The following TENM4 variants were observed in gnomAD, a reference collection of about 807,000 sequenced individuals.
TENM4 encodes the protein teneurin transmembrane protein 4, also known as teneurin-4.
In TENM4, 82 loss-of-function variants were observed where a neutral mutation model predicts 243.3. The ratio of observed to expected loss-of-function variants is 0.34; its 90% CI spans 0.28 to 0.40. The LOEUF is 0.40. Among genes scored for constraint, TENM4 ranks in the 10% least tolerant of loss-of-function variants. The probability of loss-of-function intolerance (pLI) is 1.00; values close to 1 mark genes in which losing one functional copy is unlikely to be tolerated. For synonymous variants in TENM4, 1,412 were observed against 1,456.3 expected (o/e 0.97, Z 0.69); for missense variants, 3,138 against 3,673.3 (o/e 0.85, Z 3.77).
At position 78,657,925 on chromosome 11, in the gene TENM4, T is replaced by G; in HGVS notation, c.*133A>C. Reference sequence around the variant, plus strand: ...CTTTTCTAAAAAAAAGGATGTTGCATGAGTTACAATGCAACCAGTATCTTT... The same window carrying G: ...CTTTTCTAAAAAAAAGGATGTTGCAGGAGTTACAATGCAACCAGTATCTTT... On this transcript the variant is annotated 3_prime_UTR_variant, in exon 34 of 34. Transcript: ENST00000278550. 5 of 1,370,464 alleles carry G rather than the reference T, an allele frequency of 3.6e-6. No homozygotes were observed. Among genetic ancestry groups the G allele is most frequent in the African/African-American group, 1.4e-5 (1 of 69,908 alleles). The allele number at this position is 1,370,464 out of a possible 1,614,324, so 84.9% of individuals were successfully genotyped here.
At chr11:78,896,643 G>A (rs968803080) in intron 7 of TENM4, among the ~76,000 whole-genome samples, 1 of 151,956 alleles carries the variant, frequency 6.6e-6, no homozygotes, top group Non-Finnish European at 1.5e-5. Context: ...CTCTCTCCTG[G>A]CTCTGTGCCT....
chr11:79,026,805 T>C (rs551485499), intron 6 of TENM4, among the ~76,000 whole-genome samples: 2 of 152,236 alleles, frequency 1.3e-5, no homozygotes, highest in South Asian at 2.1e-4. Flanking sequence ...TTAATCAAGA[T>C]GATCACGCAG....
intron 1 of TENM4, among the ~76,000 whole-genome samples, chr11:79,330,499 T>C (rs1448436400): frequency 2.6e-5 from 4 of 152,154 alleles, no homozygotes; most frequent in African/African-American, 9.7e-5. Context: ...CACCCAGCAT[T>C]CAGCCTGGTG....
chr11:78,855,339 T>C (rs1170517024), intron 11 of TENM4, among the ~76,000 whole-genome samples: 1 of 152,186 alleles, frequency 6.6e-6, no homozygotes, highest in Non-Finnish European at 1.5e-5. Context: ...TGCACAAGTG[T>C]CTGTTCTTCA....
At chr11:79,405,992 C>A (rs1300927900) in intron 1 of TENM4, among the ~76,000 whole-genome samples, 2 of 152,128 alleles carry the variant, frequency 1.3e-5, no homozygotes. Context: ...AGAGCTGGGA[C>A]CAGAATCTCT....
rs117707832 is a variant in TENM4 at position 78,940,950 on chromosome 11, C to G, written c.494-37427G>C. On this transcript the variant is annotated intron_variant, in intron 6 of 33. Coordinates refer to ENST00000278550, the MANE Select transcript of TENM4 (RefSeq NM_001098816.3). ...CTGTTAAAGCCAAGAGCTGTCTTCACCTGAGCCTTTTTGCCTGAAAAGTTA... is the reference window on the plus strand; with the variant it reads ...CTGTTAAAGCCAAGAGCTGTCTTCAGCTGAGCCTTTTTGCCTGAAAAGTTA... Among the ~76,000 whole-genome samples the G allele has an allele frequency of 2.5e-4, 38 of 152,336 alleles. 1 individual carries two copies. In the East Asian group the frequency reaches 7.0e-3, roughly 28 times the overall value.
At chr11:78,893,780 T>TACACATACACACACACACACACAC (rs1555097812) in intron 7 of TENM4, among the ~76,000 whole-genome samples, 21 of 142,754 alleles carry the variant, frequency 1.5e-4, no homozygotes, top group Admixed American at 1.2e-3. Flanking sequence ...GGACTTCACA[T>TACACATACACACACACACACACAC]ACACACACAC....
chr11:79,431,761 C>A (rs1266966058), intron 1 of TENM4, among the ~76,000 whole-genome samples: 4 of 152,162 alleles, frequency 2.6e-5, no homozygotes, highest in Admixed American at 1.3e-4. Flanking sequence ...GTGGCATACC[C>A]AGGAAATGAA....
At chr11:79,009,689 C>G (rs1189376507) in intron 6 of TENM4, among the ~76,000 whole-genome samples, 1 of 152,158 alleles carries the variant, frequency 6.6e-6, no homozygotes, top group African/African-American at 2.4e-5. Flanking sequence ...GATGAGGAAA[C>G]TGAGGCTCAG....
chr11:79,055,756 C>T (rs1051210757), intron 6 of TENM4, among the ~76,000 whole-genome samples: 3 of 152,262 alleles, frequency 2.0e-5, no homozygotes, highest in East Asian at 1.9e-4. Context: ...TCTAGTAATT[C>T]GCACAAAGTC....
intron 1 of TENM4, among the ~76,000 whole-genome samples, chr11:79,337,842 G>A (rs1012209426): frequency 1.3e-5 from 2 of 152,216 alleles, no homozygotes; most frequent in African/African-American, 4.8e-5. Flanking sequence ...AAGGACAGGG[G>A]CAAAGTGGGT....
chr11:78,898,904 C>G (rs1310219842), intron 7 of TENM4, among the ~76,000 whole-genome samples: 1 of 152,140 alleles, frequency 6.6e-6, no homozygotes, highest in Non-Finnish European at 1.5e-5. Flanking sequence ...TAATAAAACA[C>G]TACATAATAA....
intron 3 of TENM4, among the ~76,000 whole-genome samples, chr11:79,168,295 G>A (rs1862960940): frequency 6.6e-6 from 1 of 152,142 alleles, no homozygotes; most frequent in South Asian, 2.1e-4. Context: ...GAAGCTCCCA[G>A]TCCTCACAAT....
chr11:78,938,183 C>T (rs1591145631), intron 6 of TENM4, among the ~76,000 whole-genome samples: 1 of 152,344 alleles, frequency 6.6e-6, no homozygotes, highest in African/African-American at 2.4e-5. Context: ...ATTCTTCCTG[C>T]TGCAGCTTTA....
rs577557974 is a variant in TENM4 at position 79,333,023 on chromosome 11, T to C, written c.-320-35480A>G. On this transcript the variant is annotated intron_variant, in intron 1 of 33. Transcript: ENST00000278550. ...CAGGGGAACAAGGTAGAAATTTCAC[T>C]GAACACCTCCAAGGCAGGAAGTTCA... 3.9e-5 allele frequency among the ~76,000 whole-genome samples: 6 copies of C among 152,294 alleles called. No individual in the cohort carries two copies. The East Asian group carries it at 9.6e-4, about 24-fold the overall frequency.
At chr11:78,708,813 C>T (rs1300937166) in intron 26 of TENM4, among the ~76,000 whole-genome samples, 1 of 152,124 alleles carries the variant, frequency 6.6e-6, no homozygotes, top group Non-Finnish European at 1.5e-5. Flanking sequence ...TTCATAACTT[C>T]TGGGGGTTTT....
At chr11:79,292,273 C>G (rs192555126) in intron 2 of TENM4, among the ~76,000 whole-genome samples, 1 of 152,132 alleles carries the variant, frequency 6.6e-6, no homozygotes, top group East Asian at 1.9e-4. Context: ...CTCCTGCCCT[C>G]GACCACCAAT....
At chr11:79,431,356 A>G (rs1428811931) in intron 1 of TENM4, among the ~76,000 whole-genome samples, 3 of 152,160 alleles carry the variant, frequency 2.0e-5, no homozygotes, top group Non-Finnish European at 4.4e-5. Context: ...TACTTATTCC[A>G]CCCAATTGTT....
chr11:79,319,952 T>G (rs1856860600), intron 1 of TENM4, among the ~76,000 whole-genome samples: 1 of 152,178 alleles, frequency 6.6e-6, no homozygotes, highest in South Asian at 2.1e-4. Context: ...AGGTAGAGGC[T>G]CTACCAGTGA....
Sources: gnomAD v4.1 joint callset for allele counts (sites outside exome capture counted in the v4.1 genomes callset) on GRCh38, gnomAD v4.1.1 for gene constraint, MANE v1.5 for transcripts, NCBI Gene and HGNC (gene_info 2026-07-23, HGNC 2026-07-21) for gene names.